IMMP2L: variants seen among roughly 807,000 people sequenced by gnomAD.
IMMP2L encodes inner mitochondrial membrane peptidase subunit 2.
A neutral mutation model predicts 19.3 loss-of-function variants in IMMP2L; 18 were observed. The ratio of observed to expected loss-of-function variants is 0.93; its 90% confidence interval spans 0.64 to 1.38. IMMP2L has a LOEUF of 1.38. Among genes scored for constraint, IMMP2L ranks in the 40% most tolerant of loss-of-function variants. IMMP2L has a pLI of 0.00. For missense variants in IMMP2L, 233 were observed against 218.2 expected, an observed-to-expected ratio of 1.07 and a Z score of -0.43; for synonymous variants, 76 against 73.0, an observed-to-expected ratio of 1.04 and a Z score of -0.21.
rs575795450 is a variant in IMMP2L at position 110,791,249 on chromosome 7, T to C, written c.408+95344A>G. Reference sequence around the variant, plus strand: ...TTATGGAATGTAAAATAATGAAACATTGTAAGTATAGCTCTTAGGGAGCAG... The same window carrying C: ...TTATGGAATGTAAAATAATGAAACACTGTAAGTATAGCTCTTAGGGAGCAG... On this transcript the variant is annotated intron_variant, in intron 5 of 5. Transcript: ENST00000405709. Among the ~76,000 whole-genome samples, 10 of 151,674 alleles carry C rather than the reference T, an allele frequency of 6.6e-5. No individual in the cohort carries two copies. In the South Asian group the frequency reaches 1.0e-3, roughly 16 times the overall value.
intron 5 of IMMP2L, among the ~76,000 whole-genome samples, chr7:110,791,541 G>C (rs1315186119): frequency 6.6e-6 from 1 of 151,516 alleles, no homozygotes; most frequent in African/African-American, 2.4e-5. Context: ...CCATTTTTGA[G>C]ATTTTCAGGG....
At chr7:111,263,408 G>A (rs748212887) in intron 3 of IMMP2L, among the ~76,000 whole-genome samples, 1 of 152,124 alleles carries the variant, frequency 6.6e-6, no homozygotes, top group Non-Finnish European at 1.5e-5. Flanking sequence ...TTTATGCCCT[G>A]AGCATGTGCA....
chr7:111,215,132 T>A (rs1349542981), intron 3 of IMMP2L, among the ~76,000 whole-genome samples: 1 of 152,118 alleles, frequency 6.6e-6, no homozygotes, highest in African/African-American at 2.4e-5. Flanking sequence ...TGTCAATGGT[T>A]GCAACCACAC....
chr7:110,774,343 A>T (rs1799236730), intron 5 of IMMP2L, among the ~76,000 whole-genome samples: 1 of 152,096 alleles, frequency 6.6e-6, no homozygotes, highest in Admixed American at 6.6e-5. Flanking sequence ...GGAAAAGGCA[A>T]AGTTAGTATG....
chr7:110,745,100 A>C (rs1179600797), intron 5 of IMMP2L, among the ~76,000 whole-genome samples: 1 of 152,246 alleles, frequency 6.6e-6, no homozygotes, highest in East Asian at 1.9e-4. Flanking sequence ...AATTTCGTGA[A>C]GCATACACAA....
intron 4 of IMMP2L, among the ~76,000 whole-genome samples, chr7:110,894,952 A>G (rs1376434023): frequency 1.3e-5 from 2 of 152,092 alleles, no homozygotes; most frequent in African/African-American, 2.4e-5. Flanking sequence ...CCCTTGACTT[A>G]CCATTGGCAA....
chr7:111,097,818 AATGACCTTTAC>A (rs1441922326), intron 3 of IMMP2L, among the ~76,000 whole-genome samples: 10 of 151,888 alleles, frequency 6.6e-5, no homozygotes, highest in Admixed American at 1.3e-4. Context: ...ATGGAACCAC[AATGACCTTTAC>A]TGAAATTTCA....
At chr7:111,481,057 G>A (rs1585280602) in intron 3 of IMMP2L, among the ~76,000 whole-genome samples, 2 of 152,064 alleles carry the variant, frequency 1.3e-5, no homozygotes, top group Admixed American at 6.6e-5. Context: ...TATCGATAGA[G>A]AAGCAGCCAC....
chr7:110,984,703 G>C (rs1821673208), intron 3 of IMMP2L, among the ~76,000 whole-genome samples: 1 of 151,710 alleles, frequency 6.6e-6, no homozygotes, highest in African/African-American at 2.4e-5. Context: ...TTCTTAGTCG[G>C]GGCTTAACCT....
In IMMP2L at chr7:110,846,348, C is replaced by CTTTTTTTT. The variant is rs919194286; in HGVS notation, c.408+40237_408+40244dup. 7.1e-5 allele frequency among the ~76,000 whole-genome samples: 9 copies of CTTTTTTTT among 126,416 alleles called. 1 individual carries two copies. Among genetic ancestry groups the CTTTTTTTT allele is most frequent in the African/African-American group, 1.8e-4 (6 of 33,446 alleles). 82.9% of individuals were successfully genotyped at this position (126,416 alleles called of 152,430 possible). ...CACAGCGTCTCTCCAACCCTGATTT[C>CTTTTTTTT]TTTTTTTTTTTTTTTTTTTTGTTGT... On this transcript the variant is annotated intron_variant, in intron 5 of 5. Coordinates refer to ENST00000405709, the MANE Select transcript of IMMP2L (RefSeq NM_032549.4).
At chr7:111,106,953 T>C (rs1798615761) in intron 3 of IMMP2L, among the ~76,000 whole-genome samples, 1 of 151,988 alleles carries the variant, frequency 6.6e-6, no homozygotes, top group Non-Finnish European at 1.5e-5. Context: ...TAATATGTTA[T>C]GCATGTATTC....
intron 3 of IMMP2L, among the ~76,000 whole-genome samples, chr7:111,206,310 C>T (rs1001450751): frequency 6.6e-6 from 1 of 152,230 alleles, no homozygotes; most frequent in East Asian, 1.9e-4. Flanking sequence ...TTTAATATCC[C>T]TTTATACCAG....
intron 5 of IMMP2L, among the ~76,000 whole-genome samples, chr7:110,700,720 T>C (rs1794223906): frequency 6.6e-6 from 1 of 152,210 alleles, no homozygotes; most frequent in Admixed American, 6.5e-5. Context: ...CTTTCTTACC[T>C]GGTCATTTCC....
intron 4 of IMMP2L, among the ~76,000 whole-genome samples, chr7:110,942,607 C>A (rs1023967926): frequency 1.3e-5 from 2 of 151,652 alleles, no homozygotes; most frequent in Admixed American, 6.6e-5. Context: ...TTCCAACAGA[C>A]AAACACTGAC....
At chr7:110,919,592 A>G (rs1814020596) in intron 4 of IMMP2L, among the ~76,000 whole-genome samples, 1 of 152,184 alleles carries the variant, frequency 6.6e-6, no homozygotes, top group Non-Finnish European at 1.5e-5. Context: ...CCTTGTTTGC[A>G]TACCGGAGAG....
At chr7:111,254,447 C>T (rs947119979) in intron 3 of IMMP2L, among the ~76,000 whole-genome samples, 3 of 151,980 alleles carry the variant, frequency 2.0e-5, no homozygotes, top group East Asian at 1.9e-4. Flanking sequence ...GAAATGAACA[C>T]AAAAATGCTA....
At chr7:111,355,886 T>A (rs1260862236) in intron 3 of IMMP2L, among the ~76,000 whole-genome samples, 1 of 152,064 alleles carries the variant, frequency 6.6e-6, no homozygotes. Flanking sequence ...TAATTACATG[T>A]ATCTGAAAAT....
intron 5 of IMMP2L, among the ~76,000 whole-genome samples, chr7:110,700,958 T>C (rs924177178): frequency 6.6e-6 from 1 of 152,190 alleles, no homozygotes; most frequent in African/African-American, 2.4e-5. Flanking sequence ...TTATATCCAT[T>C]TTATAGATTT....
At chr7:111,211,080 C>T (rs1811257832) in intron 3 of IMMP2L, among the ~76,000 whole-genome samples, 1 of 152,152 alleles carries the variant, frequency 6.6e-6, no homozygotes, top group African/African-American at 2.4e-5. Context: ...GTATATAAAA[C>T]TTTGTGAAAT....
Sources: gnomAD v4.1 joint callset for allele counts (sites outside exome capture counted in the v4.1 genomes callset) on GRCh38, gnomAD v4.1.1 for gene constraint, MANE v1.5 for transcripts, NCBI Gene and HGNC (gene_info 2026-07-23, HGNC 2026-07-21) for gene names.